PRUNE2: variants seen among roughly 807,000 people sequenced by gnomAD.
PRUNE2 encodes the protein protein prune homolog 2.
In PRUNE2, 164 loss-of-function variants were observed where a neutral mutation model predicts 252.0. That is an observed-to-expected ratio of 0.65 (90% CI 0.57 to 0.74). The LOEUF (loss-of-function observed/expected upper bound fraction) is 0.74. Among genes scored for constraint, PRUNE2 ranks in the 30% least tolerant of loss-of-function variants. PRUNE2 has a pLI of 0.00. For synonymous variants in PRUNE2, 1,292 were observed against 1,350.2 expected, an observed-to-expected ratio of 0.96 and a Z score of 0.94; for missense variants, 3,495 against 3,711.0, an observed-to-expected ratio of 0.94 and a Z score of 1.51.
intron 6 of PRUNE2, among the ~76,000 whole-genome samples, chr9:76,774,450 C>A (rs2053466686): frequency 2.4e-5 from 1 of 41,402 alleles, no homozygotes; most frequent in African/African-American, 1.9e-4. Flanking sequence ...CAGTTCAACC[C>A]TTTTTTTTTT....
At chr9:76,619,160 C>T (rs901681029) in intron 18 of PRUNE2, among the ~76,000 whole-genome samples, 180 bp downstream of exon 18, 7 of 152,162 alleles carry the variant, frequency 4.6e-5, no homozygotes, top group South Asian at 2.1e-4. Context: ...AAGGGGTGAT[C>T]GTGAATGAAA....
At chr9:76,861,766 A>G (rs1037871003) in intron 1 of PRUNE2, among the ~76,000 whole-genome samples, 2 of 152,116 alleles carry the variant, frequency 1.3e-5, no homozygotes, top group African/African-American at 4.8e-5. Context: ...GTGGCCAAGA[A>G]GTATTATTTT....
rs145835712 is a variant in PRUNE2 at position 76,721,210 on chromosome 9, A to G, written c.757-7489T>C. ...AGTGAATGAGCTTCTGTCTGCCACTATGCAAACAACAGCTTTTAAAGCATT... is the reference window on the plus strand; with the variant it reads ...AGTGAATGAGCTTCTGTCTGCCACTGTGCAAACAACAGCTTTTAAAGCATT... On this transcript the variant is annotated intron_variant, in intron 6 of 18. Coordinates refer to ENST00000376718, the MANE Select transcript of PRUNE2 (RefSeq NM_015225.3). Among the ~76,000 whole-genome samples, 699 of 152,332 alleles carry G rather than the reference A, an allele frequency of 4.6e-3. 5 individuals are homozygous for G. Among genetic ancestry groups the G allele is most frequent in the African/African-American group, 0.016 (672 of 41,574 alleles).
At chr9:76,814,846 A>G (rs989688018) in intron 6 of PRUNE2, among the ~76,000 whole-genome samples, 1 of 152,166 alleles carries the variant, frequency 6.6e-6, no homozygotes, top group African/African-American at 2.4e-5. Flanking sequence ...AATACCACCT[A>G]ATGAAACACT....
In PRUNE2 at chr9:76,705,322, C is replaced by A. The variant is rs375373293; in HGVS notation, c.6952G>T (p.Asp2318Tyr). ...GLNTSTGTID[D>Y]MSKLTLSEGH... Reference sequence around the variant, plus strand: ...TCGGATAATGTCAGTTTACTCATGTCATCTATTGTTCCCGTGGATGTGTTG... The same window carrying A: ...TCGGATAATGTCAGTTTACTCATGTAATCTATTGTTCCCGTGGATGTGTTG... The change falls in exon 8 of 19, where the codon GAC becomes TAC. Residue 2318 changes from aspartate to tyrosine, a missense_variant. Coordinates refer to ENST00000376718, the MANE Select transcript of PRUNE2 (RefSeq NM_015225.3). 1.2e-6 allele frequency: 2 copies of A among 1,613,930 alleles called. No homozygotes were observed. The highest frequency in any genetic ancestry group is 1.7e-6 in the Non-Finnish European group (2 of 1,179,908).
At chr9:76,624,341 G>A in intron 17 of PRUNE2, 111 bp downstream of exon 17, 1 of 595,964 alleles carries the variant, frequency 1.7e-6, no homozygotes, top group Non-Finnish European at 2.7e-6. Context: ...TTTCTAAAGT[G>A]CATTATTATC....
intron 1 of PRUNE2, chr9:76,868,830 T>TGGGG (rs1274625027): frequency 1.3e-4 from 1 of 7,714 alleles, no homozygotes; most frequent in Non-Finnish European, 2.6e-4. Flanking sequence ...AACAGATCCT[T>TGGGG]GGGGGGTGGG....
Position 76,611,776 on chromosome 9 carries a change from C to T in PRUNE2, c.*2794G>A, listed in dbSNP as rs1463468177. On this transcript the variant is annotated 3_prime_UTR_variant, in exon 19 of 19. Coordinates refer to ENST00000376718, the MANE Select transcript of PRUNE2 (RefSeq NM_015225.3). ...AGAAACTTCAGGATTTTCTTCCACA[C>T]TGAGCTACTGCCCTCAAACAAACTT... 6.6e-6 allele frequency: 1 copy of T among 152,662 alleles called. No individual in the cohort carries two copies. Among genetic ancestry groups the T allele is most frequent in the African/African-American group, 2.4e-5 (1 of 41,462 alleles). The allele number at this position is 152,662 out of a possible 1,614,324, so 9.5% of individuals were successfully genotyped here.
chr9:76,666,415 C>T (rs946340219), intron 9 of PRUNE2, among the ~76,000 whole-genome samples: 6 of 152,310 alleles, frequency 3.9e-5, no homozygotes, highest in African/African-American at 1.2e-4. Flanking sequence ...GCTCCTAGTC[C>T]GCTTTCATGT....
intron 6 of PRUNE2, among the ~76,000 whole-genome samples, chr9:76,821,015 C>A (rs1323910208): frequency 6.6e-6 from 1 of 152,062 alleles, no homozygotes; most frequent in Non-Finnish European, 1.5e-5. Context: ...ACCATCAGTA[C>A]CCTCAATTAA....
intron 9 of PRUNE2, among the ~76,000 whole-genome samples, chr9:76,676,898 C>T (rs2042688920): frequency 6.6e-6 from 1 of 152,202 alleles, no homozygotes; most frequent in African/African-American, 2.4e-5. Flanking sequence ...CAGAAAAACC[C>T]GAGCTCAGAT....
rs1006095626 is a variant in PRUNE2, at chr9:76,675,159, T to TA, written c.8277-19658dup. Among the ~76,000 whole-genome samples, 2 of 94,134 alleles carry TA rather than the reference T, an allele frequency of 2.1e-5. 1 individual carries two copies. The highest frequency in any genetic ancestry group is 6.2e-5 in the African/African-American group (2 of 32,318). The allele number at this position is 94,134 out of a possible 152,430, so 61.8% of individuals were successfully genotyped here. A position where few individuals can be genotyped will look rare whatever the true frequency, so the allele number is the denominator to read the frequency against. On this transcript the variant is annotated intron_variant, in intron 9 of 18. Coordinates refer to ENST00000376718, the MANE Select transcript of PRUNE2 (RefSeq NM_015225.3). Reference sequence around the variant, plus strand: ...AAAATGGGTGAAAATTTTCGCAACTTACTCATCTGACAAAGGGCTAATATC... The same window carrying TA: ...AAAATGGGTGAAAATTTTCGCAACTTAACTCATCTGACAAAGGGCTAATATC...
At chr9:76,651,247 A>G (rs1453517384) in intron 11 of PRUNE2, among the ~76,000 whole-genome samples, 4 of 152,162 alleles carry the variant, frequency 2.6e-5, no homozygotes, top group Non-Finnish European at 5.9e-5. Context: ...AGCATAATAG[A>G]CTATAAAACA....
intron 6 of PRUNE2, among the ~76,000 whole-genome samples, chr9:76,787,753 C>CTT (rs1378159710): frequency 6.6e-6 from 1 of 152,194 alleles, no homozygotes; most frequent in Non-Finnish European, 1.5e-5. Context: ...ATAGCAATGG[C>CTT]CTCCACGATG....
In PRUNE2 at chr9:76,769,519, G is replaced by A. The variant is rs533605768; in HGVS notation, c.756+54113C>T. Among the ~76,000 whole-genome samples the A allele has an allele frequency of 2.8e-4, 42 of 152,208 alleles. 2 individuals carry two copies. In the East Asian group the frequency reaches 7.5e-3, roughly 27 times the overall value. ...CTCGTCGTCGCAACCTCCGCCCCCCGGGTTCAAGTGATTCTCCTGCCTCAG... is the reference window on the plus strand; with the variant it reads ...CTCGTCGTCGCAACCTCCGCCCCCCAGGTTCAAGTGATTCTCCTGCCTCAG... On this transcript the variant is annotated intron_variant, in intron 6 of 18. Coordinates refer to ENST00000376718, the MANE Select transcript of PRUNE2 (RefSeq NM_015225.3).
chr9:76,820,426 C>T (rs748496030), intron 6 of PRUNE2, among the ~76,000 whole-genome samples: 9 of 152,136 alleles, frequency 5.9e-5, no homozygotes, highest in Non-Finnish European at 8.8e-5. Context: ...TTCTACCTCC[C>T]AAACTCAATG....
chr9:76,743,067 T>C (rs2049789706), intron 6 of PRUNE2, among the ~76,000 whole-genome samples: 1 of 152,216 alleles, frequency 6.6e-6, no homozygotes, highest in Non-Finnish European at 1.5e-5. Flanking sequence ...TATAAGGGGC[T>C]TCCCCCTTTG....
At chr9:76,881,678 G>C (rs1047690562) in intron 1 of PRUNE2, among the ~76,000 whole-genome samples, 1 of 151,126 alleles carries the variant, frequency 6.6e-6, no homozygotes. Context: ...CTGGAGTGCA[G>C]TGGCACGATC....
At chr9:76,752,232 G>A (rs2050693203) in intron 6 of PRUNE2, among the ~76,000 whole-genome samples, 2 of 152,008 alleles carry the variant, frequency 1.3e-5, no homozygotes, top group Admixed American at 1.3e-4. Flanking sequence ...CAAGTAGCTG[G>A]GACTACAGGT....
Sources: gnomAD v4.1 joint callset for allele counts (sites outside exome capture counted in the v4.1 genomes callset) on GRCh38, gnomAD v4.1.1 for gene constraint, MANE v1.5 for transcripts, NCBI Gene and HGNC (gene_info 2026-07-23, HGNC 2026-07-21) for gene names.